The following PRKCQ variants were observed in gnomAD, a reference collection of about 807,000 sequenced individuals.
PRKCQ encodes protein kinase C theta type.
Under a neutral mutation model 91.2 loss-of-function variants are expected in PRKCQ, and 41 were observed. That is an observed-to-expected ratio of 0.45 (90% confidence interval 0.35 to 0.58). The LOEUF (loss-of-function observed/expected upper bound fraction) is 0.58, where lower values mean the gene tolerates loss of function less well. Ranked by LOEUF, PRKCQ falls within the 20% of genes least tolerant of loss-of-function variation. The pLI is 0.00. For synonymous variants in PRKCQ, 307 were observed against 316.9 expected (o/e 0.97, Z 0.33); for missense variants, 673 against 896.5 (o/e 0.75, Z 3.18).
At chr10:6,468,276 G>A (rs149102526) in intron 12 of PRKCQ, among the ~76,000 whole-genome samples, 17 of 152,268 alleles carry the variant, frequency 1.1e-4, no homozygotes, top group African/African-American at 3.6e-4. Context: ...GGCCTCAAAA[G>A]TTATTTAATA....
intron 4 of PRKCQ, among the ~76,000 whole-genome samples, chr10:6,500,344 T>C (rs529317707): frequency 2.0e-5 from 3 of 151,954 alleles, no homozygotes; most frequent in Non-Finnish European, 2.9e-5. Context: ...GGGGACCCTA[T>C]ACAGGTTTTT....
intron 1 of PRKCQ, among the ~76,000 whole-genome samples, chr10:6,563,491 G>A (rs891770659): frequency 2.0e-5 from 3 of 152,008 alleles, no homozygotes; most frequent in Admixed American, 2.0e-4. Context: ...CACATGCCTC[G>A]ATTTCTCTTA....
At chr10:6,493,445 C>G (rs1837430718) in intron 7 of PRKCQ, among the ~76,000 whole-genome samples, 1 of 152,156 alleles carries the variant, frequency 6.6e-6, no homozygotes, top group Non-Finnish European at 1.5e-5. Flanking sequence ...AGCCCTCATT[C>G]TATTTATTTC....
At chr10:6,545,281 GC>G (rs1839910672) in intron 1 of PRKCQ, among the ~76,000 whole-genome samples, 1 of 152,180 alleles carries the variant, frequency 6.6e-6, no homozygotes, top group Non-Finnish European at 1.5e-5. Flanking sequence ...TGCACTGGGC[GC>G]TGTCTGTTGC....
At chr10:6,579,463 T>C (rs770565803) in intron 1 of PRKCQ, among the ~76,000 whole-genome samples, 16 of 152,156 alleles carry the variant, frequency 1.1e-4, no homozygotes, top group Non-Finnish European at 2.1e-4. Context: ...TGGACCTCTC[T>C]TCATGCCCAC....
At position 6,497,007 on chromosome 10, in the gene PRKCQ, C is replaced by G. The variant is rs1837654928; in HGVS notation, c.660+28G>C. On this transcript the variant is annotated intron_variant, in intron 7 of 17. Transcript: ENST00000263125. The surrounding 1 kb of genome is among the most constrained non-coding windows in gnomAD (Gnocchi z 4.5). ...TTTAACGTTCTGATAAAAATCACTG[C>G]ACGTCAAAGAGGAGTGTAAATACTC... The G allele has an allele frequency of 1.9e-6, 3 of 1,584,358 alleles. No homozygotes were observed. The East Asian group carries it at 6.7e-5, about 35-fold the overall frequency.
At chr10:6,395,492 T>C in the PRKCQ span, among the ~76,000 whole-genome samples, 1 of 152,158 alleles carries the variant, frequency 6.6e-6, no homozygotes, top group African/African-American at 2.4e-5. Context: ...GTGCAGGATC[T>C]GCAAAATATC....
In PRKCQ at chr10:6,542,586, T is replaced by G. The variant is rs79807899; in HGVS notation, c.-9-27442A>C. Among the ~76,000 whole-genome samples, 1,293 of 152,170 alleles carry G rather than the reference T, an allele frequency of 8.5e-3. 11 individuals carry two copies. The highest frequency in any genetic ancestry group is 0.029 in the African/African-American group (1,216 of 41,492). On this transcript the variant is annotated intron_variant, in intron 1 of 17. Coordinates refer to ENST00000263125, the MANE Select transcript of PRKCQ (RefSeq NM_006257.5). ...TAACACAGCATCTGCAGCTTCAGAG[T>G]GAACAGTTCTCCCTCGGGGACAACA...
At chr10:6,519,816 T>C (rs1036604766) in intron 1 of PRKCQ, among the ~76,000 whole-genome samples, 1 of 152,190 alleles carries the variant, frequency 6.6e-6, no homozygotes, top group African/African-American at 2.4e-5. Context: ...TAAATATGTA[T>C]AGATTTTTCC....
At chr10:6,574,349 T>C (rs1291578076) in intron 1 of PRKCQ, among the ~76,000 whole-genome samples, 1 of 152,198 alleles carries the variant, frequency 6.6e-6, no homozygotes, top group Non-Finnish European at 1.5e-5. Flanking sequence ...TTCCTCCTGT[T>C]CTTAGAAAAG....
chr10:6,541,276 C>G (rs946258173), intron 1 of PRKCQ, among the ~76,000 whole-genome samples: 6 of 152,242 alleles, frequency 3.9e-5, no homozygotes, highest in African/African-American at 1.4e-4. Flanking sequence ...AAAGTCAGAT[C>G]TGAATTTGGC....
At chr10:6,544,986 T>G (rs956579158) in intron 1 of PRKCQ, among the ~76,000 whole-genome samples, 21 of 5,040 alleles carry the variant, frequency 4.2e-3, no homozygotes, top group Non-Finnish European at 0.015. Context: ...TCCTTTCTGT[T>G]TTTTTTTTTT....
chr10:6,473,548 T>A (rs1196287482), intron 12 of PRKCQ, among the ~76,000 whole-genome samples: 2 of 152,238 alleles, frequency 1.3e-5, no homozygotes, highest in South Asian at 4.1e-4. Flanking sequence ...CAGAGGACGT[T>A]AAAGAAAAGA....
At chr10:6,485,388 A>T in intron 9 of PRKCQ, 119 bp from the exon 10 acceptor site, 1 of 757,428 alleles carries the variant, frequency 1.3e-6, no homozygotes, top group Non-Finnish European at 2.3e-6. Context: ...GTCAACAAAG[A>T]TCTCCTTATC....
the PRKCQ span, among the ~76,000 whole-genome samples, chr10:6,403,808 ATTGT>A: frequency 1.1e-4 from 17 of 150,226 alleles, no homozygotes; most frequent in East Asian, 2.6e-3. Flanking sequence ...GTGCTCGATA[ATTGT>A]TTGTTTCAGG....
the PRKCQ span, among the ~76,000 whole-genome samples, chr10:6,403,591 C>A: frequency 6.6e-6 from 1 of 152,156 alleles, no homozygotes; most frequent in Non-Finnish European, 1.5e-5. Flanking sequence ...TCTCCCCATG[C>A]TCATGGCCTG....
chr10:6,549,776 G>A (rs1372092491), intron 1 of PRKCQ, among the ~76,000 whole-genome samples: 2 of 151,672 alleles, frequency 1.3e-5, no homozygotes, highest in Non-Finnish European at 2.9e-5. Flanking sequence ...GATTACAGGT[G>A]TTTGCCACCA....
At position 6,580,228 on chromosome 10, in the gene PRKCQ, C is replaced by T. The variant is rs368582340; in HGVS notation, c.-27G>A. On this transcript the variant is annotated 5_prime_UTR_variant, in exon 1 of 18. Coordinates refer to ENST00000263125, the MANE Select transcript of PRKCQ (RefSeq NM_006257.5). ...GGCCCTACCTGGAGCGAGCACGGCG[C>T]CGCTGCTGCCCGGTGGCGCTGGGAC... is the stretch of plus-strand genomic sequence containing the variant. 6.6e-6 allele frequency: 1 copy of T among 152,390 alleles called. No individual in the cohort carries two copies. The highest frequency in any genetic ancestry group is 1.5e-5 in the Non-Finnish European group (1 of 68,224). 9.4% of individuals were successfully genotyped at this position (152,390 alleles called of 1,614,324 possible).
intron 15 of PRKCQ, among the ~76,000 whole-genome samples, chr10:6,444,665 T>A (rs1354483682): frequency 6.6e-6 from 1 of 151,660 alleles, no homozygotes; most frequent in Non-Finnish European, 1.5e-5. Flanking sequence ...TTGTAATGTG[T>A]TTGGGCTTAG....
Sources: gnomAD v4.1 joint callset for allele counts (sites outside exome capture counted in the v4.1 genomes callset) on GRCh38, gnomAD v4.1.1 for gene constraint, Gnocchi (gnomAD v3.1) non-coding constraint, MANE v1.5 for transcripts, NCBI Gene and HGNC (gene_info 2026-07-23, HGNC 2026-07-21) for gene names.